Variants in ENTREP2 observed in about 807,000 individuals in gnomAD.
ENTREP2 encodes the protein endosomal transmembrane epsin interactor 2.
the ENTREP2 span, among the ~76,000 whole-genome samples, chr15:29,542,738 C>T: frequency 0.33 from 50,931 of 152,112 alleles, 8,760 homozygotes; most frequent in East Asian, 0.42. Flanking sequence ...ACACTGCTCC[C>T]CTGCTGTCCC....
chr15:29,430,747 G>A, the ENTREP2 span, among the ~76,000 whole-genome samples: 306 of 152,150 alleles, frequency 2.0e-3, 1 homozygote, highest in African/African-American at 6.9e-3. Context: ...CCCATCACTC[G>A]GTAAAACAAG....
At chr15:29,169,269 CTAAATTT>C in the ENTREP2 span, among the ~76,000 whole-genome samples, 2 of 152,008 alleles carry the variant, frequency 1.3e-5, no homozygotes, top group Admixed American at 6.6e-5. Context: ...TGGCTTTAAC[CTAAATTT>C]ATGGGAATGA....
At chr15:29,348,501 C>T in the ENTREP2 span, among the ~76,000 whole-genome samples, 5 of 152,094 alleles carry the variant, frequency 3.3e-5, no homozygotes, top group South Asian at 4.1e-4. Flanking sequence ...CCAGGAAGAC[C>T]GGCTCGGGAG....
chr15:29,332,892 G>A, the ENTREP2 span, among the ~76,000 whole-genome samples: 1 of 150,820 alleles, frequency 6.6e-6, no homozygotes, highest in Non-Finnish European at 1.5e-5. Context: ...CCACGGGGCG[G>A]AGGTTGCAGT....
chr15:29,274,197 T>G, the ENTREP2 span, among the ~76,000 whole-genome samples: 2 of 152,204 alleles, frequency 1.3e-5, no homozygotes, highest in Non-Finnish European at 2.9e-5. Context: ...AAGTGAATGG[T>G]GGGTCAGACC....
At chr15:29,338,459 A>G in the ENTREP2 span, among the ~76,000 whole-genome samples, 1 of 151,876 alleles carries the variant, frequency 6.6e-6, no homozygotes, top group Non-Finnish European at 1.5e-5. Flanking sequence ...AAAAAAAGAA[A>G]CCAGGCAGGC....
At chr15:29,590,683 CAAAAAAAAAAA>C in the ENTREP2 span, among the ~76,000 whole-genome samples, 3 of 75,334 alleles carry the variant, frequency 4.0e-5, no homozygotes, top group African/African-American at 1.0e-4. Context: ...GACTCCGTCT[CAAAAAAAAAAA>C]AAAAAAAAAA....
At chr15:29,657,060 C>T in the ENTREP2 span, among the ~76,000 whole-genome samples, 1 of 152,004 alleles carries the variant, frequency 6.6e-6, no homozygotes, top group Admixed American at 6.5e-5. Context: ...CAGCTCTTTT[C>T]TTTTTGAGAC....
the ENTREP2 span, among the ~76,000 whole-genome samples, chr15:29,489,106 ACT>A: frequency 1.3e-5 from 2 of 151,942 alleles, no homozygotes; most frequent in African/African-American, 4.8e-5. Flanking sequence ...AAAAATTATT[ACT>A]GTTAAGTTAA....
At chr15:29,456,150 T>C in the ENTREP2 span, among the ~76,000 whole-genome samples, 1 of 152,036 alleles carries the variant, frequency 6.6e-6, no homozygotes, top group African/African-American at 2.4e-5. Context: ...CAGTCCCTGG[T>C]GCCCAAAAGG....
chr15:29,371,915 G>A, the ENTREP2 span, among the ~76,000 whole-genome samples: 2 of 65,878 alleles, frequency 3.0e-5, no homozygotes, highest in Non-Finnish European at 2.5e-5. Flanking sequence ...TAAATAAATA[G>A]ATAGATAGAT....
chr15:29,269,346 C>T, the ENTREP2 span: 10 of 1,614,078 alleles, frequency 6.2e-6, no homozygotes, highest in South Asian at 7.7e-5. Flanking sequence ...GGAAGATGTC[C>T]TTGTAGTCCC....
chr15:29,420,805 A>T, the ENTREP2 span, among the ~76,000 whole-genome samples: 1 of 152,184 alleles, frequency 6.6e-6, no homozygotes, highest in Non-Finnish European at 1.5e-5. Context: ...CTGTTCCCCT[A>T]AAAACATCAA....
the ENTREP2 span, among the ~76,000 whole-genome samples, chr15:29,311,842 T>C: frequency 6.6e-6 from 1 of 152,198 alleles, no homozygotes; most frequent in African/African-American, 2.4e-5. Context: ...AGGTTATAGA[T>C]TCAGGAAGAC....
the ENTREP2 span, among the ~76,000 whole-genome samples, chr15:29,205,145 C>T: frequency 6.3e-4 from 96 of 152,280 alleles, no homozygotes; most frequent in African/African-American, 1.8e-3. Flanking sequence ...TAGCACGTGT[C>T]GAGATTTCCT....
At chr15:29,191,209 C>T in the ENTREP2 span, among the ~76,000 whole-genome samples, 1 of 152,100 alleles carries the variant, frequency 6.6e-6, no homozygotes, top group Non-Finnish European at 1.5e-5. Context: ...GATAATGTGG[C>T]ACATGACTCT....
chr15:29,379,057 C>T, the ENTREP2 span, among the ~76,000 whole-genome samples: 283 of 152,300 alleles, frequency 1.9e-3, 1 homozygote, highest in Admixed American at 4.5e-3. Context: ...TAAAAAACTA[C>T]CCAGCAAAAT....
At chr15:29,156,836 G>C in the ENTREP2 span, among the ~76,000 whole-genome samples, 1 of 152,148 alleles carries the variant, frequency 6.6e-6, no homozygotes, top group African/African-American at 2.4e-5. Context: ...GAACACCTCA[G>C]CAGGCCAGGC....
At chr15:29,602,245 C>T in the ENTREP2 span, among the ~76,000 whole-genome samples, 3 of 152,224 alleles carry the variant, frequency 2.0e-5, no homozygotes, top group Non-Finnish European at 2.9e-5. Flanking sequence ...GCACCTACTA[C>T]AGTACCTTGT....
Sources: gnomAD v4.1 joint callset for allele counts (sites outside exome capture counted in the v4.1 genomes callset) on GRCh38, gnomAD v4.1.1 for gene constraint, MANE v1.5 for transcripts, NCBI Gene and HGNC (gene_info 2026-07-23, HGNC 2026-07-21) for gene names.